NTM: variants seen among roughly 807,000 people sequenced by gnomAD.
The protein encoded by NTM is IgLON family member 2.
Under a neutral mutation model 42.1 loss-of-function variants are expected in NTM, and 13 were observed. That is an observed-to-expected ratio of 0.31 (90% CI 0.20 to 0.49). The LOEUF (loss-of-function observed/expected upper bound fraction) is 0.49. NTM is among the 20% of genes least tolerant of loss of function. The probability of loss-of-function intolerance (pLI) is 0.99; values close to 1 mark genes in which losing one functional copy is unlikely to be tolerated. For missense variants in NTM, 373 were observed against 452.8 expected, an observed-to-expected ratio of 0.82 and a Z score of 1.60; for synonymous variants, 187 against 179.2, an observed-to-expected ratio of 1.04 and a Z score of -0.35.
chr11:132,188,893 A>C (rs761613850), intron 3 of NTM, among the ~76,000 whole-genome samples: 1 of 152,154 alleles, frequency 6.6e-6, no homozygotes, highest in Non-Finnish European at 1.5e-5. Context: ...CATGGGAGCC[A>C]TTTCCTCTGC....
At chr11:131,632,156 T>A (rs2063720285) in intron 1 of NTM, among the ~76,000 whole-genome samples, 1 of 152,240 alleles carries the variant, frequency 6.6e-6, no homozygotes, top group Non-Finnish European at 1.5e-5. Context: ...ATTTATTTGG[T>A]GCTGAAGCTC....
chr11:132,054,891 G>A lies in NTM; in HGVS notation c.168-91391G>A, dbSNP rs76447580. Among the ~76,000 whole-genome samples the A allele has an allele frequency of 9.9e-3, 1,504 of 152,282 alleles. 13 individuals carry two copies. Among genetic ancestry groups the A allele is most frequent in the Middle Eastern group, 0.017 (5 of 294 alleles). ...AGATGGAGGACATGGAAAATGATCA[G>A]ACACCCTTCCTGCCTGGAGTGTAGC... On this transcript the variant is annotated intron_variant, in intron 2 of 8. Transcript: ENST00000683400.
chr11:132,162,652 T>G (rs1195131185), intron 3 of NTM, among the ~76,000 whole-genome samples: 1 of 142,044 alleles, frequency 7.0e-6, no homozygotes, highest in Non-Finnish European at 1.5e-5. Context: ...ATGTGTGTGT[T>G]TGTGGGGCTT....
chr11:132,321,848 G>A lies in NTM; in HGVS notation c.934+7145G>A, dbSNP rs1319759291. Among the ~76,000 whole-genome samples, 10 of 149,746 alleles carry A rather than the reference G, an allele frequency of 6.7e-5. 3 individuals are homozygous for A. The highest frequency in any genetic ancestry group is 2.5e-4 in the African/African-American group (10 of 40,508). On this transcript the variant is annotated intron_variant, in intron 7 of 8. Coordinates refer to ENST00000683400, the MANE Select transcript of NTM (RefSeq NM_001352005.2). ...GGATCTCTCGGCAGAAACCCTACAA[G>A]CCAGAAGAGAGTGGGGGCCAATATT... is the stretch of plus-strand genomic sequence containing the variant.
chr11:131,648,611 T>C (rs1405953250), intron 1 of NTM, among the ~76,000 whole-genome samples: 1 of 152,250 alleles, frequency 6.6e-6, no homozygotes, highest in Non-Finnish European at 1.5e-5. Context: ...TAATTTCCTT[T>C]AGGCATATAT....
At chr11:132,172,428 A>T (rs533005539) in intron 3 of NTM, among the ~76,000 whole-genome samples, 1 of 152,308 alleles carries the variant, frequency 6.6e-6, no homozygotes, top group East Asian at 1.9e-4. Context: ...AAATGGTCTG[A>T]AAATGTGTTC....
At position 131,370,886 on chromosome 11, in the gene NTM, A is replaced by G; in HGVS notation, c.80A>G (p.Gln27Arg). The G allele has an allele frequency of 6.2e-7, 1 of 1,613,934 alleles. No individual in the cohort carries two copies. Among genetic ancestry groups the G allele is most frequent in the Middle Eastern group, 1.7e-4 (1 of 6,058 alleles). The change falls in exon 1 of 9, where the codon CAA becomes CGA. Residue 27 changes from glutamine (Q) to arginine (R), a missense_variant and splice_region_variant. By Grantham distance (43) the Gln-to-Arg change is conservative. Around this residue, in one of 3 missense-constraint regions of NTM, gnomAD observed 29 missense variants for 30.4 expected, o/e 0.95. Transcript: ENST00000683400. ...FTGLAALCLF[Q>R]GVPVRSGDAT... is the part of the protein sequence containing the mutation. ...GGGCTGGCTGCTCTGTGTCTCTTCC[A>G]AGGTAAGAGCTTGCTATTGATTTGC...
intron 1 of NTM, among the ~76,000 whole-genome samples, chr11:131,655,346 A>G (rs1367460757): frequency 6.6e-6 from 1 of 152,216 alleles, no homozygotes; most frequent in Non-Finnish European, 1.5e-5. Flanking sequence ...AATTCTTAGC[A>G]ATTTCCAGAC....
intron 1 of NTM, among the ~76,000 whole-genome samples, chr11:131,828,139 AC>A (rs1429430683): frequency 6.6e-6 from 1 of 151,926 alleles, no homozygotes; most frequent in African/African-American, 2.4e-5. Flanking sequence ...AAAAAAAAAA[AC>A]AACTACCTCT....
At chr11:131,474,011 C>T (rs1000994385) in intron 1 of NTM, among the ~76,000 whole-genome samples, 3 of 152,170 alleles carry the variant, frequency 2.0e-5, no homozygotes, top group African/African-American at 7.2e-5. Context: ...CTTCCATTCT[C>T]ATCCAACTTT....
intron 1 of NTM, among the ~76,000 whole-genome samples, chr11:131,865,873 C>T (rs1405708242): frequency 2.3e-5 from 3 of 133,002 alleles, no homozygotes; most frequent in African/African-American, 8.3e-5. Context: ...TACACACATG[C>T]TACACACACA....
At chr11:131,768,960 T>C (rs926070885) in intron 1 of NTM, among the ~76,000 whole-genome samples, 7 of 152,202 alleles carry the variant, frequency 4.6e-5, no homozygotes, top group African/African-American at 1.7e-4. Flanking sequence ...TAGTATAAAA[T>C]GATTTAAGTG....
intron 4 of NTM, among the ~76,000 whole-genome samples, chr11:132,215,652 G>A (rs1264115941): frequency 1.3e-5 from 2 of 152,140 alleles, no homozygotes; most frequent in Non-Finnish European, 2.9e-5. Context: ...GCCACCTCTT[G>A]GCACTTCCAT....
intron 1 of NTM, among the ~76,000 whole-genome samples, chr11:131,592,630 TACACACACACACCCCAAACACACAC>T (rs2137299696): frequency 7.8e-6 from 1 of 127,888 alleles, no homozygotes; most frequent in South Asian, 2.6e-4. Context: ...CCAACACAAA[TACACACACACACCCCAAACACACAC>T]ACACACACAC....
intron 1 of NTM, among the ~76,000 whole-genome samples, chr11:131,699,648 G>A (rs115809118): frequency 0.017 from 2,546 of 152,214 alleles, 76 homozygotes; most frequent in African/African-American, 0.058. Flanking sequence ...GAGGCCTCAG[G>A]CAGCTTACAA....
At chr11:131,402,543 C>T (rs1179408747) in intron 1 of NTM, among the ~76,000 whole-genome samples, 26 of 151,982 alleles carry the variant, frequency 1.7e-4, no homozygotes, top group Non-Finnish European at 4.4e-5. Flanking sequence ...ATTAATGGGG[C>T]CTATAGGAAA....
chr11:132,278,896 C>A (rs2093851556), intron 4 of NTM, among the ~76,000 whole-genome samples: 1 of 152,120 alleles, frequency 6.6e-6, no homozygotes, highest in South Asian at 2.1e-4. Context: ...ATAACTTACA[C>A]CAATATGTAG....
At chr11:131,842,229 C>A (rs963912810) in intron 1 of NTM, among the ~76,000 whole-genome samples, 1 of 152,188 alleles carries the variant, frequency 6.6e-6, no homozygotes, top group Non-Finnish European at 1.5e-5. Flanking sequence ...ATCGCTGGAA[C>A]AGACGGTGGT....
chr11:131,710,050 C>G (rs1477484277), intron 1 of NTM, among the ~76,000 whole-genome samples: 6 of 152,116 alleles, frequency 3.9e-5, no homozygotes, highest in Admixed American at 3.9e-4. Flanking sequence ...ATGCAGAGGT[C>G]ATTTTGACCT....
Sources: allele counts gnomAD v4.1 joint callset (sites outside exome capture counted in the v4.1 genomes callset), GRCh38; gene constraint gnomAD v4.1.1; regional missense constraint gnomAD v4.1.1; transcripts MANE v1.5; gene names NCBI Gene and HGNC (gene_info 2026-07-23, HGNC 2026-07-21).